The following ADAMTS18 variants were observed in gnomAD, a reference collection of about 807,000 sequenced individuals.
ADAMTS18 encodes the protein A disintegrin and metalloproteinase with thrombospondin motifs 18.
In ADAMTS18, 157 loss-of-function variants were observed where a neutral mutation model predicts 165.9. The ratio of observed to expected loss-of-function variants is 0.95; its 90% confidence interval spans 0.83 to 1.08. The LOEUF is 1.08. Among genes scored for constraint, ADAMTS18 ranks in the 50% least tolerant of loss-of-function variants. The pLI is 0.00. For synonymous variants in ADAMTS18, 782 were observed against 578.2 expected (o/e 1.35, Z -5.06); for missense variants, 2,040 against 1,534.0 (o/e 1.33, Z -5.51).
At chr16:77,383,699 C>T (rs75388172) in intron 3 of ADAMTS18, among the ~76,000 whole-genome samples, 11 of 152,100 alleles carry the variant, frequency 7.2e-5, no homozygotes, top group South Asian at 2.1e-4. Context: ...CCCACCACCA[C>T]GCCTGGCTAA....
At chr16:77,319,697 C>A (rs915910024) in intron 16 of ADAMTS18, 152 bp downstream of exon 16, 11 of 1,289,866 alleles carry the variant, frequency 8.5e-6, no homozygotes, top group East Asian at 2.4e-5. Context: ...CCCACCTCAG[C>A]CTCCCAAAGT....
chr16:77,362,045 A>C, intron 7 of ADAMTS18, 60 bp downstream of exon 7: 2 of 1,580,898 alleles, frequency 1.3e-6, no homozygotes, highest in Non-Finnish European at 1.7e-6. Context: ...CATCCATAGA[A>C]AGTTTCCATA....
Position 77,410,058 on chromosome 16 carries a change from T to G in ADAMTS18, c.495+21237A>C, listed in dbSNP as rs570806662. On this transcript the variant is annotated intron_variant, in intron 3 of 22. Transcript: ENST00000282849. ...CTCTATAATAGTGTCTCAAACTATT[T>G]TGACTAAAAGCCATGGCTAAGAATT... 2.0e-5 allele frequency among the ~76,000 whole-genome samples: 3 copies of G among 152,232 alleles called. No homozygotes were observed. In the South Asian group the frequency reaches 6.2e-4, roughly 32 times the overall value.
Position 77,283,576 on chromosome 16 carries a change from CTGA to C in ADAMTS18, c.*377_*379del, listed in dbSNP as rs1364920984. 2 of 232,474 alleles carry C rather than the reference CTGA, an allele frequency of 8.6e-6. No individual in the cohort carries two copies. Among genetic ancestry groups the C allele is most frequent in the African/African-American group, 4.6e-5 (2 of 43,058 alleles). The allele number at this position is 232,474 out of a possible 1,614,324, so 14.4% of individuals were successfully genotyped here. On this transcript the variant is annotated 3_prime_UTR_variant, in exon 23 of 23. Coordinates refer to ENST00000282849, the MANE Select transcript of ADAMTS18 (RefSeq NM_199355.4). The stretch of plus-strand genomic sequence containing the variant: ...AAAGTTCTGAGTCTCAGTCTTTGAC[CTGA>C]AGTCATAAAGGACCTTTTTAAAACA...
chr16:77,361,731 A>C (rs2144731163), intron 7 of ADAMTS18, among the ~76,000 whole-genome samples: 1 of 152,226 alleles, frequency 6.6e-6, no homozygotes, highest in Middle Eastern at 3.4e-3. Context: ...TAAAAATACA[A>C]AAATTAGCCA....
At chr16:77,407,857 T>G (rs1050529999) in intron 3 of ADAMTS18, among the ~76,000 whole-genome samples, 1 of 152,070 alleles carries the variant, frequency 6.6e-6, no homozygotes, top group African/African-American at 2.4e-5. Flanking sequence ...GGAAAATATT[T>G]TCATGATCTT....
chr16:77,401,372 T>C (rs1262155222), intron 3 of ADAMTS18, among the ~76,000 whole-genome samples: 2 of 152,244 alleles, frequency 1.3e-5, no homozygotes, highest in African/African-American at 4.8e-5. Flanking sequence ...GATGCCATTT[T>C]CAGACCTTTA....
chr16:77,392,389 A>G (rs192794156), intron 3 of ADAMTS18, among the ~76,000 whole-genome samples: 3 of 152,248 alleles, frequency 2.0e-5, no homozygotes, highest in African/African-American at 7.2e-5. Flanking sequence ...ATGGTGCTCC[A>G]GTGTGGAGCA....
intron 19 of ADAMTS18, 47 bp from the exon 20 acceptor site, chr16:77,293,305 T>C (rs766945156): frequency 2.0e-6 from 3 of 1,494,276 alleles, no homozygotes; most frequent in Non-Finnish European, 2.8e-6. Context: ...TAGGTTTCAG[T>C]AGCCACATTA....
chr16:77,433,896 A>G (rs1597271343), intron 2 of ADAMTS18, among the ~76,000 whole-genome samples: 1 of 152,204 alleles, frequency 6.6e-6, no homozygotes, highest in African/African-American at 2.4e-5. Flanking sequence ...ACCTGAAGTC[A>G]CCTGCTTTCC....
At chr16:77,352,708 G>A (rs1425422480) in intron 10 of ADAMTS18, among the ~76,000 whole-genome samples, 2 of 151,940 alleles carry the variant, frequency 1.3e-5, no homozygotes, top group Non-Finnish European at 2.9e-5. Context: ...GGAGTAGAGG[G>A]GGAAAGAGGA....
intron 13 of ADAMTS18, among the ~76,000 whole-genome samples, chr16:77,323,134 A>T (rs944754797): frequency 1.1e-4 from 17 of 152,118 alleles, no homozygotes; most frequent in African/African-American, 4.1e-4. Context: ...TTAAAAAAAA[A>T]TTATATTTAT....
At chr16:77,342,135 G>A (rs773960142) in intron 10 of ADAMTS18, among the ~76,000 whole-genome samples, 2 of 152,224 alleles carry the variant, frequency 1.3e-5, no homozygotes, top group East Asian at 1.9e-4. Context: ...ATCAAGATTG[G>A]AATAAAGCAA....
chr16:77,344,196 T>A (rs2144693384), intron 10 of ADAMTS18, among the ~76,000 whole-genome samples: 1 of 150,546 alleles, frequency 6.6e-6, no homozygotes, highest in South Asian at 2.1e-4. Context: ...GTAATTTTGG[T>A]CTTGTAGACC....
intron 16 of ADAMTS18, among the ~76,000 whole-genome samples, chr16:77,309,021 T>C (rs1039086228): frequency 1.3e-5 from 2 of 152,216 alleles, no homozygotes; most frequent in Non-Finnish European, 2.9e-5. Flanking sequence ...CTTTTAAATC[T>C]TCTGGATGAC....
chr16:77,321,333 A>G, intron 14 of ADAMTS18, 131 bp from the exon 15 acceptor site: 1 of 1,265,646 alleles, frequency 7.9e-7, no homozygotes, highest in Admixed American at 2.1e-5. Flanking sequence ...GTTAAAAATC[A>G]CAGCCTCAAG....
At chr16:77,401,270 C>G (rs753902021) in intron 3 of ADAMTS18, among the ~76,000 whole-genome samples, 4 of 151,992 alleles carry the variant, frequency 2.6e-5, no homozygotes, top group Non-Finnish European at 5.9e-5. Context: ...ACAACAATAA[C>G]AACAACAACA....
intron 16 of ADAMTS18, among the ~76,000 whole-genome samples, chr16:77,309,427 A>G (rs920785220): frequency 3.3e-5 from 5 of 152,204 alleles, no homozygotes; most frequent in African/African-American, 9.6e-5. Context: ...AAGGAAATCA[A>G]TGGGGCCAGC....
At chr16:77,395,736 C>G (rs891512817) in intron 3 of ADAMTS18, among the ~76,000 whole-genome samples, 1 of 151,856 alleles carries the variant, frequency 6.6e-6, no homozygotes. Context: ...TGCCCTGACA[C>G]TAAGGATTTA....
Sources: allele counts gnomAD v4.1 joint callset (sites outside exome capture counted in the v4.1 genomes callset), GRCh38; gene constraint gnomAD v4.1.1; transcripts MANE v1.5; gene names NCBI Gene and HGNC (gene_info 2026-07-23, HGNC 2026-07-21).